Variants in NMD3 observed in about 807,000 individuals in gnomAD.
The protein encoded by NMD3 is NMD3 ribosome export adaptor.
Under a neutral mutation model 73.1 loss-of-function variants are expected in NMD3, and 47 were observed. The observed-to-expected ratio is 0.64, with a 90% confidence interval of 0.51 to 0.82. The LOEUF (loss-of-function observed/expected upper bound fraction) is 0.82, where lower values mean the gene tolerates loss of function less well. NMD3 is among the 40% of genes least tolerant of loss of function. The probability of loss-of-function intolerance (pLI) is 0.00; values close to 1 mark genes in which losing one functional copy is unlikely to be tolerated. For synonymous variants in NMD3, 210 were observed against 194.5 expected (o/e 1.08, Z -0.66); for missense variants, 554 against 612.5 (o/e 0.90, Z 1.01).
At position 161,222,035 on chromosome 3, in the gene NMD3, A is replaced by T; in HGVS notation, c.22A>T (p.Thr8Ser). The change falls in exon 2 of 16, where the codon ACC becomes TCC. Residue 8 changes from threonine (T) to serine (S), a missense_variant. Transcript: ENST00000351193. MEYMAES[T>S]DRSPGHILCC... Reference sequence around the variant, plus strand: ...AACGATGGAGTATATGGCAGAATCCACCGACCGCAGCCCTGGACACATGTG... The same window carrying T: ...AACGATGGAGTATATGGCAGAATCCTCCGACCGCAGCCCTGGACACATGTG... The T allele has an allele frequency of 1.9e-6, 3 of 1,589,608 alleles. No individual in the cohort carries two copies. Among genetic ancestry groups the T allele is most frequent in the Non-Finnish European group, 2.6e-6 (3 of 1,168,444 alleles).
intron 4 of NMD3, among the ~76,000 whole-genome samples, chr3:161,228,086 T>C (rs115126548): frequency 0.024 from 3,587 of 152,274 alleles, 63 homozygotes; most frequent in African/African-American, 0.025. Flanking sequence ...TTGTTTAAAG[T>C]ACAGTTTATT....
At position 161,228,573 on chromosome 3, in the gene NMD3, T is replaced by C. The variant is rs1378963188; in HGVS notation, c.276+1230T>C. 3.3e-5 allele frequency among the ~76,000 whole-genome samples: 5 copies of C among 152,204 alleles called. No individual in the cohort carries two copies. The South Asian group carries it at 8.3e-4, about 25-fold the overall frequency. On this transcript the variant is annotated intron_variant, in intron 4 of 15. Transcript: ENST00000351193. ...TTCTTTCTGTTCCCTCATTTGTCTC[T>C]GTTTTTTTATGAAGTCAGTTTTTTG...
chr3:161,222,723 T>G (rs1165531314), intron 2 of NMD3, among the ~76,000 whole-genome samples: 3 of 152,200 alleles, frequency 2.0e-5, no homozygotes, highest in African/African-American at 7.2e-5. Context: ...AATTGGCTTC[T>G]TACCACAACT....
chr3:161,233,372 T>A, intron 4 of NMD3, 27 bp from the exon 5 acceptor site: 1 of 1,552,480 alleles, frequency 6.4e-7, no homozygotes, highest in African/African-American at 1.4e-5. Context: ...AGAACTTACG[T>A]TTCTTTTTGT....
At position 161,238,965 on chromosome 3, in the gene NMD3, A is replaced by ATTT. The variant is rs144462149; in HGVS notation, c.753+141_753+142insTTT. 2,832 of 488,622 alleles carry ATTT rather than the reference A, an allele frequency of 5.8e-3. 14 individuals carry two copies. Among genetic ancestry groups the ATTT allele is most frequent in the Non-Finnish European group, 7.5e-3 (2,046 of 271,328 alleles). The allele number at this position is 488,622 out of a possible 1,614,324, so 30.3% of individuals were successfully genotyped here. A position where few individuals can be genotyped will look rare whatever the true frequency, so the allele number is the denominator to read the frequency against. On this transcript the variant is annotated intron_variant, in intron 9 of 15. Transcript: ENST00000351193. ...AAGTTCCTTAAGTGACTTCTAACAC[A>ATTT]TTCAGCCATGTTAAAAGATATATAT...
At chr3:161,247,584 C>T (rs896815750) in intron 13 of NMD3, among the ~76,000 whole-genome samples, 21 of 150,046 alleles carry the variant, frequency 1.4e-4, no homozygotes, top group Admixed American at 4.0e-4. Context: ...GTTGGGAGTT[C>T]GAGACCAGCC....
chr3:161,235,243 A>G (rs1364629287), intron 7 of NMD3, 31 bp downstream of exon 7: 9 of 1,081,624 alleles, frequency 8.3e-6, no homozygotes, highest in Non-Finnish European at 1.2e-5. Flanking sequence ...ATTTGAAATT[A>G]TGTCAGATTT....
chr3:161,238,748 A>G lies in NMD3; in HGVS notation c.675A>G (p.Arg225=), dbSNP rs1244310961. 6.4e-7 allele frequency: 1 copy of G among 1,563,294 alleles called. No homozygotes were observed. The highest frequency in any genetic ancestry group is 8.8e-7 in the Non-Finnish European group (1 of 1,138,006). Residue 225 remains arginine (R), a synonymous_variant, in exon 9 of 16, where the codon AGA becomes AGG. Coordinates refer to ENST00000351193, the MANE Select transcript of NMD3 (RefSeq NM_015938.5). ...TTAATAGATACAAAGCATCACAAAG[A>G]CTGATCTCTCAAGATATCCATAGTA... The part of the protein sequence containing the change: ...TVPCRYKASQ[R]LISQDIHSNT...
chr3:161,248,185 A>G (rs1180988843), intron 13 of NMD3, among the ~76,000 whole-genome samples: 1 of 152,000 alleles, frequency 6.6e-6, no homozygotes. Flanking sequence ...ACCTGATATT[A>G]TCTGTAGAGC....
chr3:161,235,341 A>G (rs1357582379), intron 7 of NMD3, 129 bp downstream of exon 7: 2 of 477,786 alleles, frequency 4.2e-6, no homozygotes, highest in Non-Finnish European at 7.5e-6. Flanking sequence ...GGAAAAAAAA[A>G]AAAAACAACT....
At chr3:161,249,672 T>C (rs1379441427) in intron 14 of NMD3, 112 bp downstream of exon 14, 3 of 726,764 alleles carry the variant, frequency 4.1e-6, no homozygotes, top group Non-Finnish European at 7.4e-6. Flanking sequence ...CACTCAATTA[T>C]AATCTTGGAT....
chr3:161,240,615 C>G (rs972515645), intron 9 of NMD3, among the ~76,000 whole-genome samples: 7 of 146,140 alleles, frequency 4.8e-5, no homozygotes, highest in Non-Finnish European at 7.4e-5. Context: ...GCCTCGACCT[C>G]CTGGGCCCAG....
At chr3:161,224,610 C>A (rs1736235397) in intron 2 of NMD3, among the ~76,000 whole-genome samples, 1 of 152,122 alleles carries the variant, frequency 6.6e-6, no homozygotes, top group South Asian at 2.1e-4. Context: ...CCTCAGCCTC[C>A]CAAGTAGCTG....
chr3:161,225,198 C>T (rs1420945702), intron 3 of NMD3, 134 bp downstream of exon 3: 14 of 976,552 alleles, frequency 1.4e-5, no homozygotes, highest in Middle Eastern at 2.2e-4. Context: ...CTGTTGGTGT[C>T]GCCAAAGATT....
chr3:161,224,981 T>C lies in NMD3; in HGVS notation c.96T>C (p.Cys32=), dbSNP rs770874266. Residue 32 remains cysteine, a synonymous_variant, in exon 3 of 16, where the codon TGT becomes TGC. Transcript: ENST00000351193. Reference sequence around the variant, plus strand: ...TAAGTCCAAATCCTGCCAATATTTGTGTGGCCTGTTTGCGAAGTAAAGTGG... The same window carrying C: ...TAAGTCCAAATCCTGCCAATATTTGCGTGGCCTGTTTGCGAAGTAAAGTGG... ...VPISPNPANI[C]VACLRSKVDI... 3 of 1,614,044 alleles carry C rather than the reference T, an allele frequency of 1.9e-6. 1 individual carries two copies. The South Asian group carries it at 3.3e-5, about 18-fold the overall frequency.
chr3:161,249,529 G>A lies in NMD3; in HGVS notation c.1279G>A (p.Glu427Lys). The change falls in exon 14 of 16, where the codon GAG (glutamate) becomes AAG (lysine). Residue 427 changes from glutamate (E) to lysine (K), a missense_variant. By Grantham distance (56) the Glu-to-Lys change is moderately conservative. Transcript: ENST00000351193. Reference protein sequence around the residue: ...RNWKLKELARERENMDTDDER... With the variant: ...RNWKLKELARKRENMDTDDER... ...CTGGAAATTGAAAGAGCTTGCAAGA[G>A]AGAGAGAAAACATGGATACAGATGA... 1 of 1,612,048 alleles carries A rather than the reference G, an allele frequency of 6.2e-7. No homozygotes were observed. Among genetic ancestry groups the A allele is most frequent in the South Asian group, 1.1e-5 (1 of 91,012 alleles).
chr3:161,249,663 A>T (rs1356371742), intron 14 of NMD3, 103 bp downstream of exon 14: 1 of 747,706 alleles, frequency 1.3e-6, no homozygotes, highest in East Asian at 2.7e-5. Flanking sequence ...TGATCCTTGC[A>T]CTCAATTATA....
intron 2 of NMD3, among the ~76,000 whole-genome samples, chr3:161,224,223 A>G (rs1736217244): frequency 6.6e-6 from 1 of 152,192 alleles, no homozygotes; most frequent in African/African-American, 2.4e-5. Context: ...TTTGAATTAA[A>G]AAAATAAATT....
chr3:161,225,037 C>G lies in NMD3; in HGVS notation c.152C>G (p.Ser51Trp). Residue 51 changes from serine to tryptophan, a missense_variant, in exon 3 of 16, where the codon TCG (serine) becomes TGG (tryptophan). Physicochemically the swap from Ser to Trp is radical, Grantham distance 177. Transcript: ENST00000351193. ...DISQGIPKQVSISFCKQCQRY... is the reference protein window; with the variant it reads ...DISQGIPKQVWISFCKQCQRY... ...AGCCAAGGTATTCCGAAACAAGTCT[C>G]GATTTCGTTCTGCAAACAATGTCAA... 2 of 1,613,744 alleles carry G rather than the reference C, an allele frequency of 1.2e-6. No homozygotes were observed. Among genetic ancestry groups the G allele is most frequent in the Non-Finnish European group, 1.7e-6 (2 of 1,179,940 alleles).
Sources: gnomAD v4.1 joint callset for allele counts (sites outside exome capture counted in the v4.1 genomes callset) on GRCh38, gnomAD v4.1.1 for gene constraint, MANE v1.5 for transcripts, NCBI Gene and HGNC (gene_info 2026-07-23, HGNC 2026-07-21) for gene names.